RAB6B: variants seen among roughly 807,000 people sequenced by gnomAD.
RAB6B encodes the protein ras-related protein Rab-6B.
RAB6B carries 7 observed loss-of-function variants against 31.2 expected under a neutral mutation model. That is an observed-to-expected ratio of 0.22 (90% CI 0.13 to 0.42). The LOEUF (loss-of-function observed/expected upper bound fraction) is 0.42. Ranked by LOEUF, RAB6B falls within the 10% of genes least tolerant of loss-of-function variation. The pLI is 1.00. For missense variants in RAB6B, 149 were observed against 280.6 expected (o/e 0.53, Z 3.35); for synonymous variants, 105 against 104.9 (o/e 1.00, Z -0.01).
chr3:133,835,978 C>T (rs1320884874), intron 6 of RAB6B, among the ~76,000 whole-genome samples: 1 of 152,212 alleles, frequency 6.6e-6, no homozygotes, highest in African/African-American at 2.4e-5. Flanking sequence ...AGGACTAACC[C>T]AGGAGCACTC....
chr3:133,874,779 T>C (rs1236176025), intron 1 of RAB6B, among the ~76,000 whole-genome samples: 2 of 151,788 alleles, frequency 1.3e-5, no homozygotes, highest in African/African-American at 4.9e-5. Flanking sequence ...TTTATATCTT[T>C]ATTCTATATG....
At chr3:133,873,224 A>C (rs773544200) in intron 1 of RAB6B, among the ~76,000 whole-genome samples, 5 of 152,208 alleles carry the variant, frequency 3.3e-5, no homozygotes, top group Admixed American at 1.3e-4. Flanking sequence ...CATCACGAAA[A>C]CTAAGATTCT....
chr3:133,893,395 A>G (rs1243966974), intron 1 of RAB6B, among the ~76,000 whole-genome samples: 1 of 152,150 alleles, frequency 6.6e-6, no homozygotes, highest in Admixed American at 6.5e-5. Context: ...CCATTTGAAC[A>G]TATGGGAGAG....
At chr3:133,847,183 A>G (rs1450520947) in intron 2 of RAB6B, among the ~76,000 whole-genome samples, 1 of 152,242 alleles carries the variant, frequency 6.6e-6, no homozygotes, top group Non-Finnish European at 1.5e-5. Flanking sequence ...AATCTGGACA[A>G]TAAATCTATG....
chr3:133,885,730 G>C (rs1936536311), intron 1 of RAB6B: 2 of 642,922 alleles, frequency 3.1e-6, no homozygotes, highest in African/African-American at 3.6e-5. Flanking sequence ...CGTACAGTGT[G>C]GCCTTGCAGA....
intron 2 of RAB6B, among the ~76,000 whole-genome samples, chr3:133,854,558 G>T (rs1250214643): frequency 1.3e-5 from 2 of 152,168 alleles, no homozygotes; most frequent in Non-Finnish European, 2.9e-5. Flanking sequence ...TCCAAACCTG[G>T]CAATGCTTAT....
chr3:133,825,151 C>T lies in RAB6B; in HGVS notation c.*3637G>A, dbSNP rs1307069109. 1 of 152,236 alleles carries T rather than the reference C, an allele frequency of 6.6e-6. No individual in the cohort carries two copies. Among genetic ancestry groups the T allele is most frequent in the South Asian group, 2.1e-4 (1 of 4,826 alleles). The allele number at this position is 152,236 out of a possible 1,614,324, so 9.4% of individuals were successfully genotyped here. ...AAGTGGCTCAGACATGCCTCACTGT[C>T]CTCGGCTACCTGGTCCCATCTCATC... On this transcript the variant is annotated 3_prime_UTR_variant, in exon 8 of 8. Coordinates refer to ENST00000285208, the MANE Select transcript of RAB6B (RefSeq NM_016577.4).
At chr3:133,883,373 C>T (rs977687165) in intron 1 of RAB6B, among the ~76,000 whole-genome samples, 1 of 152,218 alleles carries the variant, frequency 6.6e-6, no homozygotes, top group South Asian at 2.1e-4. Flanking sequence ...ACTGGTCCAT[C>T]GTCCTGTGCC....
At chr3:133,855,803 C>T (rs10935086) in intron 2 of RAB6B, among the ~76,000 whole-genome samples, 123,842 of 152,100 alleles carry the variant, frequency 0.81, 52,570 homozygotes, top group Non-Finnish European at 0.95. Context: ...ACTGGTGGGC[C>T]CACCCAGCAC....
Position 133,852,207 on chromosome 3 carries a change from C to G in RAB6B, c.130-10544G>C, listed in dbSNP as rs368544442. Reference sequence around the variant, plus strand: ...GTCTACCACTGTTCTGCTGGGTACTCTAGTCTCAGACTTGTGCCAAATCAG... The same window carrying G: ...GTCTACCACTGTTCTGCTGGGTACTGTAGTCTCAGACTTGTGCCAAATCAG... On this transcript the variant is annotated intron_variant, in intron 2 of 7. Coordinates refer to ENST00000285208, the MANE Select transcript of RAB6B (RefSeq NM_016577.4). Among the ~76,000 whole-genome samples the G allele has an allele frequency of 4.6e-5, 7 of 152,208 alleles. No homozygotes were observed. In the East Asian group the frequency reaches 1.3e-3, roughly 29 times the overall value.
At position 133,891,747 on chromosome 3, in the gene RAB6B, T is replaced by C. The variant is rs563142763; in HGVS notation, c.70+3650A>G. The stretch of plus-strand genomic sequence containing the variant: ...AACAAAAAGGCAGCTGCCTGCATAG[T>C]CGCTTCATTGCACAGCTCCAAGGAA... On this transcript the variant is annotated intron_variant, in intron 1 of 7. Coordinates refer to ENST00000285208, the MANE Select transcript of RAB6B (RefSeq NM_016577.4). Among the ~76,000 whole-genome samples, 4 of 152,310 alleles carry C rather than the reference T, an allele frequency of 2.6e-5. No individual in the cohort carries two copies. In the South Asian group the frequency reaches 8.3e-4, roughly 32 times the overall value.
chr3:133,872,803 T>C (rs528205219), intron 1 of RAB6B, among the ~76,000 whole-genome samples: 47 of 152,336 alleles, frequency 3.1e-4, no homozygotes, highest in Non-Finnish European at 4.7e-4. Flanking sequence ...AAGCTCTTCA[T>C]TGGACATTTT....
intron 1 of RAB6B, among the ~76,000 whole-genome samples, chr3:133,875,138 T>C (rs186982530): frequency 7.9e-5 from 12 of 152,356 alleles, no homozygotes; most frequent in Admixed American, 7.2e-4. Flanking sequence ...TCCATTATAA[T>C]CTTATGGGAC....
At chr3:133,854,384 A>C (rs911654004) in intron 2 of RAB6B, among the ~76,000 whole-genome samples, 2 of 152,222 alleles carry the variant, frequency 1.3e-5, no homozygotes, top group African/African-American at 4.8e-5. Context: ...AACGCAGGAT[A>C]TCAACACAGC....
chr3:133,894,569 G>A (rs541487146), intron 1 of RAB6B: 1 of 152,268 alleles, frequency 6.6e-6, no homozygotes, highest in South Asian at 2.1e-4. Context: ...TGGGAAGCTA[G>A]GCAGGGCGTG....
intron 1 of RAB6B, among the ~76,000 whole-genome samples, chr3:133,864,999 A>G (rs938496206): frequency 1.3e-5 from 2 of 152,234 alleles, no homozygotes; most frequent in Non-Finnish European, 2.9e-5. Context: ...GCAAAACAGG[A>G]GGCTCCTCTC....
At position 133,842,865 on chromosome 3, in the gene RAB6B, A is replaced by G. The variant is rs147081464; in HGVS notation, c.130-1202T>C. 1.8e-3 allele frequency among the ~76,000 whole-genome samples: 267 copies of G among 152,342 alleles called. 2 individuals carry two copies. Among genetic ancestry groups the G allele is most frequent in the Middle Eastern group, 3.4e-3 (1 of 294 alleles). On this transcript the variant is annotated intron_variant, in intron 2 of 7. Transcript: ENST00000285208. ...ACAATGAACATATAACAGTACTAAA[A>G]TTAGAAAAAGTCCTTTGAAATAAAG...
chr3:133,854,068 T>A (rs910147404), intron 2 of RAB6B, among the ~76,000 whole-genome samples: 1 of 152,206 alleles, frequency 6.6e-6, no homozygotes, highest in Admixed American at 6.5e-5. Context: ...AAGCCTCTCA[T>A]AAGGCACACT....
In RAB6B at chr3:133,835,729, T is replaced by C. The variant is rs142972547; in HGVS notation, c.496-1088A>G. ...TTTAGGAGGTGCTTAGTCAGGAGGG[T>C]AGAGTCCTCATGAACGGGATGAGTG... is the stretch of plus-strand genomic sequence containing the variant. On this transcript the variant is annotated intron_variant, in intron 6 of 7. Transcript: ENST00000285208. 3.4e-3 allele frequency among the ~76,000 whole-genome samples: 524 copies of C among 151,954 alleles called. 4 individuals are homozygous for C. The highest frequency in any genetic ancestry group is 0.011 in the African/African-American group (473 of 41,430).
Sources: gnomAD v4.1 joint callset for allele counts (sites outside exome capture counted in the v4.1 genomes callset) on GRCh38, gnomAD v4.1.1 for gene constraint, MANE v1.5 for transcripts, NCBI Gene and HGNC (gene_info 2026-07-23, HGNC 2026-07-21) for gene names.